Variants in GARNL3 observed in about 807,000 individuals in gnomAD.
The protein encoded by GARNL3 is GTPase-activating Rap/Ran-GAP domain-like protein 3.
GARNL3 carries 63 observed loss-of-function variants against 125.0 expected under a neutral mutation model. The ratio of observed to expected loss-of-function variants is 0.50; its 90% CI spans 0.41 to 0.62. The LOEUF (loss-of-function observed/expected upper bound fraction) is 0.62. GARNL3 is among the 20% of genes least tolerant of loss of function. GARNL3 has a pLI of 0.00. For synonymous variants in GARNL3, 439 were observed against 457.5 expected (o/e 0.96, Z 0.52); for missense variants, 994 against 1,244.0 (o/e 0.80, Z 3.02).
intron 15 of GARNL3, 87 bp from the exon 16 acceptor site, chr9:127,345,316 T>C: frequency 1.4e-6 from 1 of 739,310 alleles, no homozygotes; most frequent in South Asian, 2.2e-5. Flanking sequence ...TACTCCTGTT[T>C]TATTAAATTT....
intron 20 of GARNL3, among the ~76,000 whole-genome samples, chr9:127,356,038 G>T (rs1386470859): frequency 1.3e-5 from 2 of 152,202 alleles, no homozygotes; most frequent in Non-Finnish European, 2.9e-5. Flanking sequence ...AGGGAACAAG[G>T]CAGGCAGGTC....
At chr9:127,367,842 A>T (rs1831366471) in intron 22 of GARNL3, among the ~76,000 whole-genome samples, 1 of 139,220 alleles carries the variant, frequency 7.2e-6, no homozygotes, top group African/African-American at 2.7e-5. Flanking sequence ...TAATAGTAAG[A>T]ATACAAAACC....
intron 2 of GARNL3, among the ~76,000 whole-genome samples, chr9:127,251,256 C>T (rs1402925025): frequency 6.6e-6 from 1 of 152,184 alleles, no homozygotes; most frequent in Non-Finnish European, 1.5e-5. Context: ...TTCTTGTCGT[C>T]TCCTATAGTA....
intron 2 of GARNL3, among the ~76,000 whole-genome samples, chr9:127,298,474 C>T (rs1479735109): frequency 2.6e-5 from 4 of 152,148 alleles, no homozygotes; most frequent in African/African-American, 7.2e-5. Context: ...CCACCACGCC[C>T]GGCCTGCTTC....
intron 1 of GARNL3, among the ~76,000 whole-genome samples, chr9:127,289,876 T>C (rs924652669): frequency 2.6e-5 from 4 of 152,218 alleles, no homozygotes; most frequent in Non-Finnish European, 4.4e-5. Flanking sequence ...AAACATTTGC[T>C]TTTAGAAATT....
At chr9:127,239,799 C>T (rs2063172566) in intron 1 of GARNL3, among the ~76,000 whole-genome samples, 2 of 151,978 alleles carry the variant, frequency 1.3e-5, no homozygotes, top group South Asian at 4.1e-4. Flanking sequence ...AAAATCTGAA[C>T]AGTTTTAGAA....
intron 22 of GARNL3, among the ~76,000 whole-genome samples, chr9:127,381,508 T>C (rs1462379765): frequency 6.6e-6 from 1 of 152,208 alleles, no homozygotes; most frequent in Non-Finnish European, 1.5e-5. Context: ...CTACCATCTT[T>C]ACCTCTACCC....
intron 2 of GARNL3, chr9:127,243,350 G>C (rs1301639918): frequency 2.8e-5 from 27 of 957,968 alleles, no homozygotes; most frequent in South Asian, 2.6e-4. Flanking sequence ...CTTCTGGGGG[G>C]ATAGTGGGGA....
At chr9:127,244,997 G>C (rs941217992) in intron 2 of GARNL3, among the ~76,000 whole-genome samples, 3 of 152,172 alleles carry the variant, frequency 2.0e-5, no homozygotes, top group African/African-American at 7.2e-5. Flanking sequence ...TGCAGAGGAC[G>C]GGAGGGAACC....
chr9:127,335,147 T>C (rs1313541739), intron 9 of GARNL3, 83 bp from the exon 10 acceptor site: 1 of 928,168 alleles, frequency 1.1e-6, no homozygotes, highest in Non-Finnish European at 1.8e-6. Flanking sequence ...CTGTATACAG[T>C]ATTTCCCTAG....
At chr9:127,269,165 A>AT (rs1564864751) in intron 1 of GARNL3, among the ~76,000 whole-genome samples, 1 of 151,902 alleles carries the variant, frequency 6.6e-6, no homozygotes, top group African/African-American at 2.4e-5. Context: ...CACCGGGCTA[A>AT]TTTTTTTGAC....
rs555086682 is a variant in GARNL3 at position 127,365,084 on chromosome 9, TTTTC to T, written c.2095-208_2095-205del. ...CCCAGAGAAGAAAGAATGGAGAGAC[TTTTC>T]TTTCTTTTTTTTCTTTTCTTTTCTT... On this transcript the variant is annotated intron_variant, in intron 21 of 27. Transcript: ENST00000373387. 3,104 of 494,820 alleles carry T rather than the reference TTTTC, an allele frequency of 6.3e-3. 16 individuals carry two copies. The highest frequency in any genetic ancestry group is 0.012 in the Middle Eastern group (26 of 2,248). The allele number at this position is 494,820 out of a possible 1,614,324, so 30.7% of individuals were successfully genotyped here. A position where few individuals can be genotyped will look rare whatever the true frequency, so the allele number is the denominator to read the frequency against.
intron 24 of GARNL3, among the ~76,000 whole-genome samples, chr9:127,386,340 A>G (rs1345122289): frequency 2.0e-5 from 3 of 152,250 alleles, no homozygotes; most frequent in Non-Finnish European, 2.9e-5. Flanking sequence ...CATTACTAGT[A>G]CTTTCTCCAT....
chr9:127,316,771 G>A (rs1197502473), intron 4 of GARNL3, among the ~76,000 whole-genome samples: 1 of 152,126 alleles, frequency 6.6e-6, no homozygotes, highest in Non-Finnish European at 1.5e-5. Context: ...GAGAGTAGCA[G>A]GTCTCCAAGG....
At chr9:127,356,471 C>A (rs949894169) in intron 20 of GARNL3, 28 of 152,112 alleles carry the variant, frequency 1.8e-4, no homozygotes, top group African/African-American at 6.8e-4. Flanking sequence ...GCATTGGCCA[C>A]TAAGATGGAG....
At chr9:127,377,851 C>T (rs532783492) in intron 22 of GARNL3, among the ~76,000 whole-genome samples, 10 of 145,960 alleles carry the variant, frequency 6.9e-5, no homozygotes, top group South Asian at 2.2e-4. Flanking sequence ...GATCTGATTA[C>T]ACAAAACTTA....
intron 13 of GARNL3, among the ~76,000 whole-genome samples, chr9:127,341,994 G>GTA (rs1829885001): frequency 1.3e-5 from 2 of 152,146 alleles, no homozygotes; most frequent in African/African-American, 4.8e-5. Context: ...AAAACTCTGA[G>GTA]ATTACAGGAG....
At chr9:127,391,533 A>AAAAAAAAAAAAAAAAAAAAAAAAT in intron 27 of GARNL3, among the ~76,000 whole-genome samples, 3 of 75,870 alleles carry the variant, frequency 4.0e-5, no homozygotes, top group Admixed American at 1.3e-4. Flanking sequence ...ACAAAAAAAA[A>AAAAAAAAAAAAAAAAAAAAAAAAT]ATATATATAT....
intron 7 of GARNL3, among the ~76,000 whole-genome samples, chr9:127,328,694 T>C (rs1829035274): frequency 6.6e-6 from 1 of 152,080 alleles, no homozygotes; most frequent in South Asian, 2.1e-4. Context: ...ATTTCTCAGG[T>C]CCAAAAAATT....
Sources: allele counts gnomAD v4.1 joint callset (sites outside exome capture counted in the v4.1 genomes callset), GRCh38; gene constraint gnomAD v4.1.1; transcripts MANE v1.5; gene names NCBI Gene and HGNC (gene_info 2026-07-23, HGNC 2026-07-21).